FHIT: variants seen among roughly 807,000 people sequenced by gnomAD.
The protein encoded by FHIT is fragile histidine triad diadenosine triphosphatase, also known as bis(5'-adenosyl)-triphosphatase.
A neutral mutation model predicts 17.9 loss-of-function variants in FHIT; 19 were observed. The observed-to-expected ratio is 1.06, with a 90% CI of 0.74 to 1.56. FHIT has a LOEUF of 1.56. Among genes scored for constraint, FHIT ranks in the 40% most tolerant of loss-of-function variants. The pLI is 0.00. For synonymous variants in FHIT, 81 were observed against 69.7 expected (o/e 1.16, Z -0.81); for missense variants, 248 against 189.2 (o/e 1.31, Z -1.82).
At chr3:60,930,764 G>C (rs1315695559) in intron 3 of FHIT, among the ~76,000 whole-genome samples, 12 of 152,156 alleles carry the variant, frequency 7.9e-5, no homozygotes, top group African/African-American at 2.7e-4. Context: ...TACACTGTTG[G>C]TGGGACTGTA....
At chr3:60,204,129 T>G (rs1361690417) in intron 5 of FHIT, among the ~76,000 whole-genome samples, 4 of 152,322 alleles carry the variant, frequency 2.6e-5, no homozygotes, top group Admixed American at 6.5e-5. Flanking sequence ...AGATGGATAC[T>G]GCATTTACAT....
chr3:60,444,557 A>C (rs897168854), intron 5 of FHIT, among the ~76,000 whole-genome samples: 1 of 152,164 alleles, frequency 6.6e-6, no homozygotes, highest in African/African-American at 2.4e-5. Flanking sequence ...GATGTGGATG[A>C]AACTAGAAAC....
intron 2 of FHIT, among the ~76,000 whole-genome samples, chr3:61,174,903 A>G (rs1482997287): frequency 2.0e-5 from 3 of 152,188 alleles, no homozygotes; most frequent in Non-Finnish European, 4.4e-5. Context: ...AGAACTTTAG[A>G]GATGGGAGTC....
intron 3 of FHIT, among the ~76,000 whole-genome samples, chr3:61,012,270 T>C (rs2031833597): frequency 6.6e-6 from 1 of 152,298 alleles, no homozygotes; most frequent in East Asian, 1.9e-4. Flanking sequence ...GGTAAGCCTT[T>C]GGTGTACTTC....
At chr3:61,025,862 C>T (rs954225748) in intron 3 of FHIT, among the ~76,000 whole-genome samples, 9 of 152,242 alleles carry the variant, frequency 5.9e-5, no homozygotes, top group African/African-American at 2.2e-4. Context: ...TAGCTAAGGG[C>T]TGCTGTTCTC....
At chr3:61,121,135 T>G (rs1210248539) in intron 2 of FHIT, among the ~76,000 whole-genome samples, 1 of 151,966 alleles carries the variant, frequency 6.6e-6, no homozygotes, top group Non-Finnish European at 1.5e-5. Context: ...TACCTGAAAG[T>G]GACAGGAGAA....
At chr3:60,072,209 G>A (rs567299415) in intron 5 of FHIT, among the ~76,000 whole-genome samples, 4 of 152,322 alleles carry the variant, frequency 2.6e-5, no homozygotes, top group South Asian at 2.1e-4. Context: ...CTTGCTTTAA[G>A]AGGAATAAAT....
chr3:60,087,805 A>G (rs946559190), intron 5 of FHIT, among the ~76,000 whole-genome samples: 1 of 152,164 alleles, frequency 6.6e-6, no homozygotes, highest in Non-Finnish European at 1.5e-5. Flanking sequence ...GCCATTCTCT[A>G]AGAAGTTCAA....
intron 5 of FHIT, among the ~76,000 whole-genome samples, chr3:60,249,799 G>A (rs563576489): frequency 6.6e-6 from 1 of 151,732 alleles, no homozygotes; most frequent in East Asian, 1.9e-4. Flanking sequence ...CCTAAGACTG[G>A]GCAATTTATA....
At chr3:61,158,950 G>C (rs1398164901) in intron 2 of FHIT, among the ~76,000 whole-genome samples, 1 of 152,180 alleles carries the variant, frequency 6.6e-6, no homozygotes, top group Non-Finnish European at 1.5e-5. Flanking sequence ...TTTACATGTA[G>C]ACTGGGAAAA....
chr3:60,976,764 T>A (rs747646098), intron 3 of FHIT, among the ~76,000 whole-genome samples: 5 of 152,214 alleles, frequency 3.3e-5, no homozygotes, highest in Non-Finnish European at 7.3e-5. Context: ...ATCTTAAAGT[T>A]TGAATCTCAT....
At chr3:61,000,736 C>T (rs562194009) in intron 3 of FHIT, among the ~76,000 whole-genome samples, 2 of 152,052 alleles carry the variant, frequency 1.3e-5, no homozygotes, top group African/African-American at 4.8e-5. Flanking sequence ...TACCCTATGC[C>T]GGGTTCCAGA....
intron 4 of FHIT, among the ~76,000 whole-genome samples, chr3:60,810,196 G>C (rs1311930073): frequency 1.3e-5 from 2 of 152,138 alleles, no homozygotes; most frequent in African/African-American, 4.8e-5. Flanking sequence ...GTTTTCATCA[G>C]CTGGCAGAAT....
chr3:60,133,237 C>T (rs955743784), intron 5 of FHIT, among the ~76,000 whole-genome samples: 4 of 152,102 alleles, frequency 2.6e-5, no homozygotes, highest in African/African-American at 4.8e-5. Flanking sequence ...CTGATGTGTT[C>T]GGCCAGAGAA....
At chr3:60,841,194 T>C (rs1474188046) in intron 3 of FHIT, among the ~76,000 whole-genome samples, 7 of 152,198 alleles carry the variant, frequency 4.6e-5, no homozygotes, top group African/African-American at 1.7e-4. Flanking sequence ...TTGTCTTGTT[T>C]AGAAGAAATG....
chr3:60,582,332 C>T (rs2037774469), intron 4 of FHIT, among the ~76,000 whole-genome samples: 1 of 152,074 alleles, frequency 6.6e-6, no homozygotes, highest in Non-Finnish European at 1.5e-5. Context: ...TCAGAGCAGA[C>T]TGGTGGCATT....
chr3:61,164,805 C>A (rs1357139653), intron 2 of FHIT, among the ~76,000 whole-genome samples: 2 of 152,176 alleles, frequency 1.3e-5, no homozygotes, highest in African/African-American at 4.8e-5. Context: ...CCCTCACTCA[C>A]TCCTCCAGTA....
intron 5 of FHIT, among the ~76,000 whole-genome samples, chr3:60,168,283 C>T (rs957438941): frequency 3.4e-4 from 52 of 152,130 alleles, no homozygotes; most frequent in African/African-American, 1.2e-3. Flanking sequence ...GATTGTTAGG[C>T]CGATGTAATT....
intron 4 of FHIT, among the ~76,000 whole-genome samples, chr3:60,768,521 A>C (rs1362754629): frequency 6.6e-6 from 1 of 152,238 alleles, no homozygotes; most frequent in Non-Finnish European, 1.5e-5. Context: ...TAAGGACTTC[A>C]CCAGTTCTGG....
Sources: allele counts gnomAD v4.1 joint callset (sites outside exome capture counted in the v4.1 genomes callset), GRCh38; gene constraint gnomAD v4.1.1; transcripts MANE v1.5; gene names NCBI Gene and HGNC (gene_info 2026-07-23, HGNC 2026-07-21).